The following IPO11 variants were observed in gnomAD, a reference collection of about 807,000 sequenced individuals.
IPO11 encodes the protein importin 11.
Under a neutral mutation model 143.2 loss-of-function variants are expected in IPO11, and 66 were observed. The ratio of observed to expected loss-of-function variants is 0.46; its 90% CI spans 0.38 to 0.57. The LOEUF is 0.57. Ranked by LOEUF, IPO11 falls within the 20% of genes least tolerant of loss-of-function variation. The probability of loss-of-function intolerance (pLI) is 0.00; values close to 1 mark genes in which losing one functional copy is unlikely to be tolerated. For synonymous variants in IPO11, 385 were observed against 377.8 expected (o/e 1.02, Z -0.22); for missense variants, 1,026 against 1,141.0 (o/e 0.90, Z 1.45).
chr5:62,476,960 G>A (rs1745981536), intron 9 of IPO11, among the ~76,000 whole-genome samples: 1 of 152,118 alleles, frequency 6.6e-6, no homozygotes, highest in African/African-American at 2.4e-5. Context: ...CATAGTGTAA[G>A]TCACCTTGGT....
intron 6 of IPO11, among the ~76,000 whole-genome samples, chr5:62,468,792 T>G (rs1745655265): frequency 6.6e-6 from 1 of 152,188 alleles, no homozygotes; most frequent in Non-Finnish European, 1.5e-5. Flanking sequence ...TCACATTAAC[T>G]TTTTAGAGAT....
intron 27 of IPO11, among the ~76,000 whole-genome samples, chr5:62,577,819 CTGCTTTAATAT>C (rs1373763687): frequency 5.3e-5 from 8 of 151,984 alleles, no homozygotes; most frequent in African/African-American, 1.7e-4. Context: ...TGAAATGAAA[CTGCTTTAATAT>C]CAAAGGAGAG....
At chr5:62,437,178 A>G in intron 1 of IPO11, 96 bp from the exon 2 acceptor site, 1 of 955,038 alleles carries the variant, frequency 1.0e-6, no homozygotes, top group South Asian at 2.1e-5. Context: ...AATGGGAGTA[A>G]TTCAGAACAT....
intron 5 of IPO11, among the ~76,000 whole-genome samples, chr5:62,454,732 T>C (rs1055497675): frequency 7.2e-5 from 11 of 152,244 alleles, no homozygotes; most frequent in Non-Finnish European, 1.6e-4. Context: ...TCGACTTATT[T>C]TTCTCAGATT....
chr5:62,440,368 T>TTTC (rs1353366205), intron 2 of IPO11, among the ~76,000 whole-genome samples: 1 of 147,866 alleles, frequency 6.8e-6, no homozygotes, highest in African/African-American at 2.6e-5. Context: ...TTTTTTTTTT[T>TTTC]ATCTGAGGTG....
rs143845380 is a variant in IPO11 at position 62,422,187 on chromosome 5, C to G, written c.-7+9258C>G. On this transcript the variant is annotated intron_variant, in intron 1 of 29. Transcript: ENST00000325324. Reference sequence around the variant, plus strand: ...TGTTGCCCAGGCTGGAGTGCAGTGACACCATCTTGGCTCACTGCAACCTCC... The same window carrying G: ...TGTTGCCCAGGCTGGAGTGCAGTGAGACCATCTTGGCTCACTGCAACCTCC... 6.9e-3 allele frequency among the ~76,000 whole-genome samples: 1,052 copies of G among 152,170 alleles called. 10 individuals carry two copies. Among genetic ancestry groups the G allele is most frequent in the African/African-American group, 0.025 (1,017 of 41,496 alleles).
At chr5:62,565,037 A>G (rs1039816959) in intron 27 of IPO11, among the ~76,000 whole-genome samples, 3 of 152,228 alleles carry the variant, frequency 2.0e-5, no homozygotes, top group Non-Finnish European at 2.9e-5. Context: ...AACTGTCTAC[A>G]TAGATGGAAT....
At chr5:62,551,035 A>ATG (rs1438196851) in intron 25 of IPO11, among the ~76,000 whole-genome samples, 188 bp from the exon 26 acceptor site, 1 of 150,540 alleles carries the variant, frequency 6.6e-6, no homozygotes, top group Non-Finnish European at 1.5e-5. Context: ...ATATATATAT[A>ATG]TATGGTGCAT....
intron 27 of IPO11, among the ~76,000 whole-genome samples, chr5:62,582,530 G>A (rs1201631503): frequency 6.6e-6 from 1 of 152,152 alleles, no homozygotes; most frequent in Non-Finnish European, 1.5e-5. Flanking sequence ...AAATTCAGAA[G>A]CGAGGTCTTA....
chr5:62,435,172 G>A (rs71592698), intron 1 of IPO11, among the ~76,000 whole-genome samples: 8,004 of 87,930 alleles, frequency 0.091, 842 homozygotes, highest in South Asian at 0.16. Flanking sequence ...GTATATATAT[G>A]TATATATGTA....
At chr5:62,454,326 C>CT (rs927777295) in intron 5 of IPO11, among the ~76,000 whole-genome samples, 82 of 152,284 alleles carry the variant, frequency 5.4e-4, no homozygotes, top group Non-Finnish European at 1.0e-3. Flanking sequence ...TCCTTTTCCT[C>CT]TGTTTTGTCC....
intron 26 of IPO11, among the ~76,000 whole-genome samples, chr5:62,558,811 G>T (rs1387232623): frequency 6.6e-6 from 1 of 152,064 alleles, no homozygotes; most frequent in African/African-American, 2.4e-5. Flanking sequence ...TTATTACATT[G>T]TAGATTTGTT....
chr5:62,612,823 T>G (rs1030929271), intron 29 of IPO11, among the ~76,000 whole-genome samples: 21 of 152,234 alleles, frequency 1.4e-4, no homozygotes, highest in African/African-American at 5.1e-4. Flanking sequence ...TGAAAGACAT[T>G]GAGATTGTTT....
chr5:62,593,083 A>G (rs1745090443), intron 28 of IPO11, among the ~76,000 whole-genome samples: 1 of 152,226 alleles, frequency 6.6e-6, no homozygotes, highest in Non-Finnish European at 1.5e-5. Flanking sequence ...CTGATAGCAC[A>G]GTTAAAACAC....
At chr5:62,519,318 A>G (rs1260820318) in intron 20 of IPO11, among the ~76,000 whole-genome samples, 1 of 152,178 alleles carries the variant, frequency 6.6e-6, no homozygotes. Flanking sequence ...TTCAAATGAA[A>G]AGTATCAGTA....
At chr5:62,618,681 C>A (rs1175702798) in intron 29 of IPO11, among the ~76,000 whole-genome samples, 2 of 152,026 alleles carry the variant, frequency 1.3e-5, no homozygotes, top group Non-Finnish European at 2.9e-5. Flanking sequence ...GGACAGTTTT[C>A]CCATATTAAT....
At chr5:62,482,240 C>T (rs577422927) in intron 9 of IPO11, among the ~76,000 whole-genome samples, 38 of 152,272 alleles carry the variant, frequency 2.5e-4, no homozygotes, top group Non-Finnish European at 4.6e-4. Context: ...AAACCAGCTC[C>T]TGGATTCATT....
chr5:62,598,387 G>GCTTTCTTTCTTT lies in IPO11; in HGVS notation c.2679-3374_2679-3373insTCTTTCTTTCTT, dbSNP rs1561380373. Among the ~76,000 whole-genome samples, 13 of 36,226 alleles carry GCTTTCTTTCTTT rather than the reference G, an allele frequency of 3.6e-4. 2 individuals carry two copies. The highest frequency in any genetic ancestry group is 4.9e-4 in the Non-Finnish European group (11 of 22,316). The allele number at this position is 36,226 out of a possible 152,430, so 23.8% of individuals were successfully genotyped here. On this transcript the variant is annotated intron_variant, in intron 28 of 29. Transcript: ENST00000325324. ...CGACCCATAAATTGTTTGCTTGCTTGCTTGCTTTCTTTCTTTCTTTCTTTC... is the reference window on the plus strand; with the variant it reads ...CGACCCATAAATTGTTTGCTTGCTTGCTTTCTTTCTTTCTTGCTTTCTTTCTTTCTTTCTTTC...
At chr5:62,578,692 C>G (rs1744414728) in intron 27 of IPO11, 1 of 468,120 alleles carries the variant, frequency 2.1e-6, no homozygotes, top group African/African-American at 2.0e-5. Flanking sequence ...AAAATTACTT[C>G]CTGTCTCTTA....
Sources: allele counts gnomAD v4.1 joint callset (sites outside exome capture counted in the v4.1 genomes callset), GRCh38; gene constraint gnomAD v4.1.1; transcripts MANE v1.5; gene names NCBI Gene and HGNC (gene_info 2026-07-23, HGNC 2026-07-21).